Variants in CEP85L observed in about 807,000 individuals in gnomAD.
CEP85L encodes centrosomal protein of 85 kDa-like.
CEP85L carries 60 observed loss-of-function variants against 100.3 expected under a neutral mutation model. That is an observed-to-expected ratio of 0.60 (90% CI 0.49 to 0.74). The LOEUF (loss-of-function observed/expected upper bound fraction) is 0.74, where lower values mean the gene tolerates loss of function less well. CEP85L is among the 30% of genes least tolerant of loss of function. CEP85L has a pLI of 0.00. For synonymous variants in CEP85L, 319 were observed against 322.7 expected, an observed-to-expected ratio of 0.99 and a Z score of 0.12; for missense variants, 973 against 936.2, an observed-to-expected ratio of 1.04 and a Z score of -0.51.
chr6:118,471,747 G>A (rs2114442541), intron 10 of CEP85L, among the ~76,000 whole-genome samples: 1 of 148,038 alleles, frequency 6.8e-6, no homozygotes, highest in Non-Finnish European at 1.5e-5. Flanking sequence ...GGGAAAAGTT[G>A]TTTTATATTC....
At chr6:118,617,281 T>C (rs117987939) in intron 2 of CEP85L, among the ~76,000 whole-genome samples, 2,761 of 152,258 alleles carry the variant, frequency 0.018, 23 homozygotes, top group Non-Finnish European at 0.029. Context: ...CCAAGAAAGC[T>C]ATAAACAGCG....
At chr6:118,644,995 T>G (rs1775090318) in intron 1 of CEP85L, among the ~76,000 whole-genome samples, 1 of 151,750 alleles carries the variant, frequency 6.6e-6, no homozygotes, top group Non-Finnish European at 1.5e-5. Context: ...TGCTCAGGAG[T>G]GAAAGAATGA....
chr6:118,644,825 C>CGG (rs1775078902), intron 1 of CEP85L, among the ~76,000 whole-genome samples: 1 of 152,166 alleles, frequency 6.6e-6, no homozygotes. Flanking sequence ...CTGCAATGGC[C>CGG]TATTAGCTGT....
intron 3 of CEP85L, among the ~76,000 whole-genome samples, chr6:118,524,543 G>A (rs1175055669): frequency 6.6e-6 from 1 of 152,174 alleles, no homozygotes; most frequent in Non-Finnish European, 1.5e-5. Context: ...ATCATTAAGG[G>A]AGTAATACAA....
chr6:118,532,442 GTAC>G, intron 3 of CEP85L, among the ~76,000 whole-genome samples: 1 of 152,124 alleles, frequency 6.6e-6, no homozygotes, highest in Admixed American at 6.6e-5. Flanking sequence ...CAAATCATTT[GTAC>G]ACTAAACCCC....
At chr6:118,584,377 T>G (rs1780741925) in intron 2 of CEP85L, among the ~76,000 whole-genome samples, 1 of 152,120 alleles carries the variant, frequency 6.6e-6, no homozygotes, top group South Asian at 2.1e-4. Flanking sequence ...ACTCAGAGGA[T>G]TTTGGGGCAT....
At position 118,651,498 on chromosome 6, in the gene CEP85L, C is replaced by T. The variant is rs1775559086; in HGVS notation, c.-229G>A. On this transcript the variant is annotated 5_prime_UTR_variant, in exon 1 of 13. Coordinates refer to ENST00000368491, the MANE Select transcript of CEP85L (RefSeq NM_001042475.3). ...CAAGCCGGCTGGGCTGAGGCCCGCGCCGGGGAAGCGGCGACTCGGCGGTGA... is the reference window on the plus strand; with the variant it reads ...CAAGCCGGCTGGGCTGAGGCCCGCGTCGGGGAAGCGGCGACTCGGCGGTGA... 2.4e-6 allele frequency: 3 copies of T among 1,269,310 alleles called. No homozygotes were observed. The highest frequency in any genetic ancestry group is 3.0e-6 in the Non-Finnish European group (3 of 1,008,356). 78.6% of individuals were successfully genotyped at this position (1,269,310 alleles called of 1,614,324 possible).
intron 3 of CEP85L, among the ~76,000 whole-genome samples, chr6:118,556,786 T>C (rs1328231909): frequency 6.6e-6 from 1 of 152,216 alleles, no homozygotes; most frequent in Non-Finnish European, 1.5e-5. Flanking sequence ...TCATTTTTCT[T>C]ATTTCAAAAT....
At chr6:118,590,655 A>G (rs58651965) in intron 2 of CEP85L, among the ~76,000 whole-genome samples, 1,936 of 151,904 alleles carry the variant, frequency 0.013, 51 homozygotes, top group African/African-American at 0.044. Context: ...TCCCCCTCTC[A>G]GCTTGGAGCC....
chr6:118,647,503 A>G (rs1775280063), intron 1 of CEP85L, among the ~76,000 whole-genome samples: 1 of 152,118 alleles, frequency 6.6e-6, no homozygotes, highest in Non-Finnish European at 1.5e-5. Context: ...CTGGGATTAC[A>G]GGCGCACGCC....
At chr6:118,550,990 TA>T (rs940328972) in intron 3 of CEP85L, among the ~76,000 whole-genome samples, 26 of 151,568 alleles carry the variant, frequency 1.7e-4, no homozygotes, top group African/African-American at 4.8e-4. Context: ...GCACAGACTT[TA>T]AAAAAAATAA....
chr6:118,555,425 C>A (rs374155585), intron 3 of CEP85L, among the ~76,000 whole-genome samples: 251 of 116,274 alleles, frequency 2.2e-3, no homozygotes, highest in Middle Eastern at 4.7e-3. Context: ...AAGACTGTCT[C>A]AAAAAAAAAA....
In CEP85L at chr6:118,666,442, T is replaced by C. The variant is rs536758672; in HGVS notation, c.-27-13634A>G. On this transcript the variant is annotated intron_variant, in intron 1 of 13. Transcript: ENST00000368488. The stretch of plus-strand genomic sequence containing the variant: ...CCTGGCTTGACTAACTCAATACTTA[T>C]GCTCTTTCCACTATACCAGGATGAA... Among the ~76,000 whole-genome samples the C allele has an allele frequency of 1.4e-4, 21 of 152,346 alleles. 1 individual carries two copies. The East Asian group carries it at 3.9e-3, about 28-fold the overall frequency.
chr6:118,651,912 C>T (rs1370182555), upstream of CEP85L: 13 of 985,490 alleles, frequency 1.3e-5, no homozygotes, highest in Non-Finnish European at 1.6e-5. Flanking sequence ...TCTGTGAAGA[C>T]ACGTGGAAGA....
At chr6:118,484,543 T>C (rs1211104891) in intron 6 of CEP85L, among the ~76,000 whole-genome samples, 4 of 152,208 alleles carry the variant, frequency 2.6e-5, no homozygotes, top group African/African-American at 9.6e-5. Flanking sequence ...AAACTATGTG[T>C]TGAGTTTAAA....
At chr6:118,574,135 A>T (rs575770959) in intron 2 of CEP85L, 3 of 152,154 alleles carry the variant, frequency 2.0e-5, no homozygotes, top group Non-Finnish European at 4.4e-5. Context: ...CAAACCTCTT[A>T]CTCTGTAAAC....
chr6:118,590,713 T>C (rs976776773), intron 2 of CEP85L, among the ~76,000 whole-genome samples: 2 of 152,066 alleles, frequency 1.3e-5, no homozygotes, highest in Admixed American at 1.3e-4. Flanking sequence ...TCTTGCTTAT[T>C]ATTATTTGTG....
intron 3 of CEP85L, among the ~76,000 whole-genome samples, chr6:118,527,002 C>CTTTTTTTTTTTTT (rs764883723): frequency 3.7e-4 from 37 of 98,718 alleles, no homozygotes; most frequent in Non-Finnish European, 4.9e-4. Context: ...TTTACTTTTT[C>CTTTTTTTTTTTTT]TTTTTTTTTT....
intron 2 of CEP85L, among the ~76,000 whole-genome samples, chr6:118,605,028 G>C (rs1772097154): frequency 6.6e-6 from 1 of 152,046 alleles, no homozygotes; most frequent in Non-Finnish European, 1.5e-5. Flanking sequence ...TTAATACATA[G>C]AAGATTCCGC....
Sources: allele counts gnomAD v4.1 joint callset (sites outside exome capture counted in the v4.1 genomes callset), GRCh38; gene constraint gnomAD v4.1.1; transcripts MANE v1.5; gene names NCBI Gene and HGNC (gene_info 2026-07-23, HGNC 2026-07-21).